The following MPP7 variants were observed in gnomAD, a reference collection of about 807,000 sequenced individuals.
MPP7 encodes the protein MAGUK p55 subfamily member 7.
In MPP7, 60 loss-of-function variants were observed where a neutral mutation model predicts 76.5. The ratio of observed to expected loss-of-function variants is 0.78; its 90% confidence interval spans 0.64 to 0.97. The LOEUF is 0.97. Among genes scored for constraint, MPP7 ranks in the 50% least tolerant of loss-of-function variants. The pLI, the probability that MPP7 is intolerant of heterozygous loss-of-function variation, is 0.00. For missense variants in MPP7, 641 were observed against 694.0 expected, an observed-to-expected ratio of 0.92 and a Z score of 0.86; for synonymous variants, 237 against 244.5, an observed-to-expected ratio of 0.97 and a Z score of 0.29.
At chr10:28,056,764 GA>G (rs1851574137) in intron 15 of MPP7, 141 bp from the exon 16 acceptor site, 1 of 657,878 alleles carries the variant, frequency 1.5e-6, no homozygotes, top group African/African-American at 1.9e-5. Flanking sequence ...ATTAACTGTT[GA>G]CAATTAAATG....
chr10:28,077,592 T>C (rs1449328376), intron 12 of MPP7, among the ~76,000 whole-genome samples: 1 of 152,228 alleles, frequency 6.6e-6, no homozygotes, highest in Non-Finnish European at 1.5e-5. Context: ...TTTAGTTGTC[T>C]GGTTTGTATT....
rs1851654252 is a variant in MPP7, at chr10:28,058,605, T to C, written c.1299-2A>G. ...TTATATTCTCCATATTCAATAAACC[T>C]GTAAAAAATTAAATGCATTGGAATC... On this transcript the variant is annotated splice_acceptor_variant, in intron 14 of 16. Transcript: ENST00000683449. LOFTEE classifies it high-confidence loss of function. The C allele has an allele frequency of 2.0e-6, 3 of 1,504,400 alleles. No homozygotes were observed. Among genetic ancestry groups the C allele is most frequent in the Non-Finnish European group, 2.7e-6 (3 of 1,098,314 alleles). 93.2% of individuals were successfully genotyped at this position (1,504,400 alleles called of 1,614,324 possible). A position where few individuals can be genotyped will look rare whatever the true frequency, so the allele number is the denominator to read the frequency against.
intron 3 of MPP7, 93 bp downstream of exon 3, chr10:28,202,060 G>A: frequency 2.3e-6 from 2 of 869,744 alleles, no homozygotes; most frequent in Non-Finnish European, 3.8e-6. Context: ...TGTTTTCAGA[G>A]AGCAACAATT....
chr10:28,334,861 A>G (rs999354176), upstream of MPP7, among the ~76,000 whole-genome samples: 3 of 152,200 alleles, frequency 2.0e-5, no homozygotes, highest in African/African-American at 7.2e-5. Context: ...TTAAAATTAT[A>G]TTACTTACCT....
intron 1 of MPP7, among the ~76,000 whole-genome samples, chr10:28,282,867 A>G (rs770382256): frequency 1.1e-4 from 17 of 151,888 alleles, no homozygotes; most frequent in Non-Finnish European, 2.2e-4. Context: ...AACTCCATAT[A>G]TGATTATGAC....
chr10:28,294,651 G>T (rs1445787562), intron 1 of MPP7, among the ~76,000 whole-genome samples: 1 of 152,118 alleles, frequency 6.6e-6, no homozygotes, highest in Non-Finnish European at 1.5e-5. Context: ...ACAGTGCCAG[G>T]AAATGAGGTT....
intron 3 of MPP7, among the ~76,000 whole-genome samples, chr10:28,183,332 A>C (rs532129998): frequency 6.6e-6 from 1 of 152,304 alleles, no homozygotes; most frequent in East Asian, 1.9e-4. Flanking sequence ...TATTGTTCTC[A>C]TTTTTAATGC....
chr10:28,054,170 A>G lies in MPP7; in HGVS notation c.1626T>C (p.Ile542=). The G allele has an allele frequency of 6.2e-7, 1 of 1,607,852 alleles. No individual in the cohort carries two copies. The highest frequency in any genetic ancestry group is 2.2e-5 in the East Asian group (1 of 44,828). The part of the protein sequence containing the change: ...ESQYGHLFDK[I]IINDDLTVAF... ...CCACAGTGAGGTCATCATTTATTAT[A>G]ATTTTGTCAAAAAGATGACCATATT... The change falls in exon 17 of 17, where the codon ATT becomes ATC. Residue 542 remains isoleucine (I), a synonymous_variant. Coordinates refer to ENST00000683449, the MANE Select transcript of MPP7 (RefSeq NM_001318170.2).
At position 28,054,033 on chromosome 10, in the gene MPP7, T is replaced by A. The variant is rs750401476; in HGVS notation, c.*32A>T. 6.4e-7 allele frequency: 1 copy of A among 1,559,860 alleles called. No individual in the cohort carries two copies. The highest frequency in any genetic ancestry group is 8.8e-7 in the Non-Finnish European group (1 of 1,135,112). ...GTAATTGATTTCATCATGCACTCTATAGAAAAAGACAATTATGGAAATTTC... is the reference window on the plus strand; with the variant it reads ...GTAATTGATTTCATCATGCACTCTAAAGAAAAAGACAATTATGGAAATTTC... On this transcript the variant is annotated 3_prime_UTR_variant, in exon 17 of 17. Transcript: ENST00000683449.
In MPP7 at chr10:28,278,265, A is replaced by G. The variant is rs149663913; in HGVS notation, c.-132+24596T>C. ...TCAAAAACTCCCTGCCACCTACTCA[A>G]GTCCTTTGCAAACGATTCCATACCC... On this transcript the variant is annotated intron_variant, in intron 1 of 16. Transcript: ENST00000683449. Among the ~76,000 whole-genome samples the G allele has an allele frequency of 1.5e-3, 228 of 152,200 alleles. 1 individual carries two copies. The highest frequency in any genetic ancestry group is 6.8e-3 in the Middle Eastern group (2 of 294).
intron 3 of MPP7, among the ~76,000 whole-genome samples, chr10:28,182,776 T>C (rs1837099022): frequency 6.6e-6 from 1 of 152,202 alleles, no homozygotes; most frequent in Admixed American, 6.5e-5. Flanking sequence ...TAACAAAATG[T>C]TAAGCAAAAG....
intron 3 of MPP7, among the ~76,000 whole-genome samples, chr10:28,194,769 C>T (rs543314527): frequency 2.0e-5 from 3 of 152,262 alleles, no homozygotes; most frequent in South Asian, 2.1e-4. Flanking sequence ...AACTATTCTT[C>T]ATGACAATGT....
chr10:28,298,903 A>C (rs1841090430), intron 1 of MPP7, among the ~76,000 whole-genome samples: 1 of 152,134 alleles, frequency 6.6e-6, no homozygotes. Context: ...CTTAAACCTC[A>C]TGAACCAACC....
At chr10:28,230,544 T>G (rs1423851451) in intron 2 of MPP7, among the ~76,000 whole-genome samples, 3 of 152,156 alleles carry the variant, frequency 2.0e-5, no homozygotes, top group Non-Finnish European at 4.4e-5. Flanking sequence ...CCAGGCGCAG[T>G]GGCTCACGCC....
chr10:28,106,144 C>A (rs1834317656), intron 11 of MPP7, among the ~76,000 whole-genome samples: 1 of 152,210 alleles, frequency 6.6e-6, no homozygotes, highest in South Asian at 2.1e-4. Flanking sequence ...TGCTTAACTT[C>A]ACCTGCTAGT....
Position 28,131,734 on chromosome 10 carries a change from CTTATATA to C in MPP7, c.316-50_316-44del, listed in dbSNP as rs778531856. 3.8e-5 allele frequency: 42 copies of C among 1,095,458 alleles called. No homozygotes were observed. The South Asian group carries it at 6.1e-4, about 16-fold the overall frequency. 67.9% of individuals were successfully genotyped at this position (1,095,458 alleles called of 1,614,324 possible). A position where few individuals can be genotyped will look rare whatever the true frequency, so the allele number is the denominator to read the frequency against. ...TGATTTAAATAAGTAAATATACATACTTATATATTATATGTAATATATATAAAATTTC... is the reference window on the plus strand; with the variant it reads ...TGATTTAAATAAGTAAATATACATACTTATATGTAATATATATAAAATTTC... On this transcript the variant is annotated intron_variant, in intron 5 of 16. Transcript: ENST00000683449.
rs1851467214 is a variant in MPP7, at chr10:28,054,292, C to T, written c.1552-48G>A. ...AATAATTGGTTAACCAGGCCATTAC[C>T]TCACTTCATATCAATGCAAACATTC... On this transcript the variant is annotated intron_variant, in intron 16 of 16. Coordinates refer to ENST00000683449, the MANE Select transcript of MPP7 (RefSeq NM_001318170.2). 15 of 1,102,200 alleles carry T rather than the reference C, an allele frequency of 1.4e-5. No individual in the cohort carries two copies. In the East Asian group the frequency reaches 3.8e-4, roughly 28 times the overall value. 68.3% of individuals were successfully genotyped at this position (1,102,200 alleles called of 1,614,324 possible).
intron 3 of MPP7, among the ~76,000 whole-genome samples, chr10:28,175,311 A>G (rs1836823182): frequency 6.6e-6 from 1 of 151,984 alleles, no homozygotes; most frequent in Admixed American, 6.6e-5. Context: ...GGAAAAAAAG[A>G]AACTTCCAAG....
chr10:28,181,504 T>G (rs1837055820), intron 3 of MPP7, among the ~76,000 whole-genome samples: 1 of 108,504 alleles, frequency 9.2e-6, no homozygotes. Context: ...ATAACCATAA[T>G]ACTTCAATAA....
Sources: gnomAD v4.1 joint callset for allele counts (sites outside exome capture counted in the v4.1 genomes callset) on GRCh38, gnomAD v4.1.1 for gene constraint, MANE v1.5 for transcripts, NCBI Gene and HGNC (gene_info 2026-07-23, HGNC 2026-07-21) for gene names.